Variants in ZFP92 observed in about 807,000 individuals in gnomAD.
The protein encoded by ZFP92 is zinc finger protein 92 homolog.
A neutral mutation model predicts 7.6 loss-of-function variants in ZFP92; 2 were observed. The ratio of observed to expected loss-of-function variants is 0.26; its 90% CI spans 0.11 to 0.83. The LOEUF is 0.83. Ranked by LOEUF, ZFP92 falls within the 40% of genes least tolerant of loss-of-function variation. ZFP92 has a pLI of 0.65. For synonymous variants in ZFP92, 226 were observed against 183.6 expected (o/e 1.23, Z -1.87); for missense variants, 324 against 408.3 (o/e 0.79, Z 1.78).
At chrX:153,416,270 C>G (rs781987842) in intron 2 of ZFP92, among the ~76,000 whole-genome samples, 1 of 111,742 alleles carries the variant, frequency 8.9e-6, no homozygotes, top group African/African-American at 3.3e-5. Flanking sequence ...CACCCTATGT[C>G]CCACTGCTAG....
Position 153,415,029 on chromosome X carries a change from C to T in ZFP92, c.-19+3016C>T, listed in dbSNP as rs782028012. On this transcript the variant is annotated intron_variant, in intron 2 of 5. Transcript: ENST00000338647. Reference sequence around the variant, plus strand: ...TGGGGCCGGAAGGGGCCAGCAGAGGCGGGTGGCTAGGTTTCTCCAGCTTCC... The same window carrying T: ...TGGGGCCGGAAGGGGCCAGCAGAGGTGGGTGGCTAGGTTTCTCCAGCTTCC... 4.1e-4 allele frequency among the ~76,000 whole-genome samples: 46 copies of T among 113,272 alleles called. 1 individual carries two copies. The highest frequency in any genetic ancestry group is 2.1e-3 in the Admixed American group (23 of 10,847).
At position 153,411,997 on chromosome X, in the gene ZFP92, T is replaced by C. The variant is rs2088912243; in HGVS notation, c.-35T>C. On this transcript the variant is annotated 5_prime_UTR_variant, in exon 2 of 6. Coordinates refer to ENST00000338647, the MANE Select transcript of ZFP92 (RefSeq NM_001136273.2). Reference sequence around the variant, plus strand: ...TCCCGAGGCTGGCTAAAGAGCATCCTGTCGCTGATCTGCCTGGTGAGTTTG... The same window carrying C: ...TCCCGAGGCTGGCTAAAGAGCATCCCGTCGCTGATCTGCCTGGTGAGTTTG... Among the ~76,000 whole-genome samples, 1 of 112,968 alleles carries C rather than the reference T, an allele frequency of 8.9e-6. No homozygotes were observed. Among genetic ancestry groups the C allele is most frequent in the Non-Finnish European group, 1.9e-5 (1 of 53,312 alleles).
Position 153,425,614 on chromosome X carries a change from C to T in ZFP92, c.*3986C>T, listed in dbSNP as rs887436366. On this transcript the variant is annotated 3_prime_UTR_variant, in exon 6 of 6. Transcript: ENST00000338647. ...ACAAATTTTATAACTGTAGTCGTCT[C>T]GATGGTTGTGATGCCCATGAGGTGT... is the stretch of plus-strand genomic sequence containing the variant. 9.0e-6 allele frequency: 1 copy of T among 111,639 alleles called. No homozygotes were observed. The highest frequency in any genetic ancestry group is 1.9e-5 in the Non-Finnish European group (1 of 53,037). The allele number at this position is 111,639 out of a possible 1,213,427, so 9.2% of individuals were successfully genotyped here.
chrX:153,418,936 C>T, intron 4 of ZFP92, 137 bp downstream of exon 4: 2 of 912,674 alleles, frequency 2.2e-6, no homozygotes, highest in Non-Finnish European at 2.9e-6. Context: ...ACCAGTAATG[C>T]CAGTAATCCA....
chrX:153,415,696 C>A (rs1556973627), intron 2 of ZFP92, among the ~76,000 whole-genome samples: 1 of 110,982 alleles, frequency 9.0e-6, no homozygotes, highest in African/African-American at 3.3e-5. Context: ...GTTTTTTTTT[C>A]TTTTTAATCA....
At chrX:153,413,962 C>T (rs2088930183) in intron 2 of ZFP92, among the ~76,000 whole-genome samples, 2 of 112,355 alleles carry the variant, frequency 1.8e-5, no homozygotes, top group Non-Finnish European at 3.8e-5. Flanking sequence ...GGCCTCCCGC[C>T]GATGGGGTGT....
In ZFP92 at chrX:153,419,799, G is replaced by A. The variant is rs2088983295; in HGVS notation, c.161-429G>A. The stretch of plus-strand genomic sequence containing the variant: ...CTCACCAGGCAGACCTGGGGTTCCA[G>A]GGAGGGGTCTGGGATCCTCAGTGGA... On this transcript the variant is annotated intron_variant, in intron 4 of 5. Transcript: ENST00000338647. Among the ~76,000 whole-genome samples, 3 of 112,587 alleles carry A rather than the reference G, an allele frequency of 2.7e-5. No individual in the cohort carries two copies. In the South Asian group the frequency reaches 1.1e-3, roughly 41 times the overall value.
rs782229436 is a variant in ZFP92 at position 153,421,466 on chromosome X, A to T, written c.1089A>T (p.Leu363=). The change falls in exon 6 of 6, where the codon CTA becomes CTT. Residue 363 remains leucine, a synonymous_variant. Coordinates refer to ENST00000338647, the MANE Select transcript of ZFP92 (RefSeq NM_001136273.2). ...CGKAFGRRAN[L]FKHQAVHGAR... ...AGGCCTTCGGCCGGCGCGCCAACCT[A>T]TTCAAGCACCAGGCAGTGCACGGCG... 2.7e-4 allele frequency: 312 copies of T among 1,148,974 alleles called. No individual in the cohort carries two copies. The highest frequency in any genetic ancestry group is 3.4e-4 in the Non-Finnish European group (293 of 869,320). The allele number at this position is 1,148,974 out of a possible 1,213,427, so 94.7% of individuals were successfully genotyped here.
At position 153,423,569 on chromosome X, in the gene ZFP92, T is replaced by C. The variant is rs4898435; in HGVS notation, c.*1941T>C. ...AGCTGGTCTCATAAGCCCACAAGTG[T>C]GTGTCATGCCTGTCCCCATGTCCTT... On this transcript the variant is annotated 3_prime_UTR_variant, in exon 6 of 6. Coordinates refer to ENST00000338647, the MANE Select transcript of ZFP92 (RefSeq NM_001136273.2). The C allele has an allele frequency of 0.42, 46,939 of 111,362 alleles. 8,204 individuals carry two copies. Among genetic ancestry groups the C allele is most frequent in the East Asian group, 0.88 (3,092 of 3,522 alleles). The allele number at this position is 111,362 out of a possible 1,213,427, so 9.2% of individuals were successfully genotyped here. A position where few individuals can be genotyped will look rare whatever the true frequency, so the allele number is the denominator to read the frequency against.
Position 153,422,495 on chromosome X carries a change from C to T in ZFP92, c.*867C>T, listed in dbSNP as rs782690667. The T allele has an allele frequency of 2.7e-3, 296 of 111,125 alleles. 2 individuals are homozygous for T. The highest frequency in any genetic ancestry group is 4.9e-3 in the Non-Finnish European group (261 of 52,938). The allele number at this position is 111,125 out of a possible 1,213,427, so 9.2% of individuals were successfully genotyped here. On this transcript the variant is annotated 3_prime_UTR_variant, in exon 6 of 6. Coordinates refer to ENST00000338647, the MANE Select transcript of ZFP92 (RefSeq NM_001136273.2). ...TCCAGGCTTTGCTTTCCCCCCTGCC[C>T]GCCCACTGCCTTCTGCTCCCCAGAC...
At position 153,421,334 on chromosome X, in the gene ZFP92, C is replaced by G. The variant is rs1556975098; in HGVS notation, c.957C>G (p.Pro319=). 5.1e-6 allele frequency: 6 copies of G among 1,165,788 alleles called. No homozygotes were observed. The highest frequency in any genetic ancestry group is 3.2e-5 in the East Asian group (1 of 31,025). Residue 319 remains proline, a synonymous_variant, in exon 6 of 6, where the codon CCC becomes CCG. Transcript: ENST00000338647. The stretch of plus-strand genomic sequence containing the variant: ...AGCGCAGCCACAGCGGCGAGCGGCC[C>G]TTCGCGTGCCGCGAGTGCGGCAAGG... ...HHQRSHSGER[P]FACRECGKAF... is the part of the protein sequence containing the mutation.
At chrX:153,420,364 C>T (rs782331710) in intron 5 of ZFP92, 32 bp downstream of exon 5, 3 of 1,050,909 alleles carry the variant, frequency 2.9e-6, no homozygotes, top group African/African-American at 3.8e-5. Flanking sequence ...AGCTCCCCAT[C>T]GGGGTAAAAA....
At position 153,426,180 on chromosome X, in the gene ZFP92, T is replaced by C. The variant is rs967310861; in HGVS notation, c.*4552T>C. 1 of 110,041 alleles carries C rather than the reference T, an allele frequency of 9.1e-6. No homozygotes were observed. Among genetic ancestry groups the C allele is most frequent in the African/African-American group, 3.3e-5 (1 of 30,225 alleles). The allele number at this position is 110,041 out of a possible 1,213,427, so 9.1% of individuals were successfully genotyped here. A position where few individuals can be genotyped will look rare whatever the true frequency, so the allele number is the denominator to read the frequency against. ...GCCTCCAGCAACCCCTCTTTCCTGC[T>C]CCTCACTGTCCCCCATCCCCACCGC... On this transcript the variant is annotated 3_prime_UTR_variant, in exon 6 of 6. Transcript: ENST00000338647.
chrX:153,417,169 AG>A (rs1329562192), intron 2 of ZFP92, among the ~76,000 whole-genome samples: 1 of 112,411 alleles, frequency 8.9e-6, no homozygotes, highest in African/African-American at 3.2e-5. Flanking sequence ...CCTGAGGCCG[AG>A]GTGAATTTTG....
chrX:153,413,179 G>A (rs1408272018), intron 2 of ZFP92, among the ~76,000 whole-genome samples: 1 of 110,216 alleles, frequency 9.1e-6, no homozygotes, highest in Non-Finnish European at 1.9e-5. Flanking sequence ...TGCTGTGGAT[G>A]AAAAAGCCCA....
rs1314791458 is a variant in ZFP92 at position 153,424,332 on chromosome X, T to C, written c.*2704T>C. ...CTTAGTCTAATTTAGCTCCCCATAATGACATTCTCACTGCAAGGTGGTCAT... is the reference window on the plus strand; with the variant it reads ...CTTAGTCTAATTTAGCTCCCCATAACGACATTCTCACTGCAAGGTGGTCAT... On this transcript the variant is annotated 3_prime_UTR_variant, in exon 6 of 6. Coordinates refer to ENST00000338647, the MANE Select transcript of ZFP92 (RefSeq NM_001136273.2). 2 of 112,510 alleles carry C rather than the reference T, an allele frequency of 1.8e-5. No homozygotes were observed. The highest frequency in any genetic ancestry group is 6.5e-5 in the African/African-American group (2 of 30,976). The allele number at this position is 112,510 out of a possible 1,213,427, so 9.3% of individuals were successfully genotyped here.
At chrX:153,418,930 G>C (rs191053935) in intron 4 of ZFP92, 131 bp downstream of exon 4, 16 of 925,047 alleles carry the variant, frequency 1.7e-5, no homozygotes, top group Non-Finnish European at 2.3e-5. Flanking sequence ...CATCAGACCA[G>C]TAATGCCAGT....
intron 2 of ZFP92, among the ~76,000 whole-genome samples, chrX:153,417,870 A>G (rs1313990258): frequency 8.9e-6 from 1 of 112,000 alleles, no homozygotes; most frequent in Non-Finnish European, 1.9e-5. Flanking sequence ...GTGGGCCCTA[A>G]TCCAGTGATT....
chrX:153,423,678 C>A lies in ZFP92; in HGVS notation c.*2050C>A, dbSNP rs1333878009. ...AGCACCTCAGACTCAGGCTTGGGAC[C>A]ATTGTCGGCTCCAGCCTTGCCTTGA... On this transcript the variant is annotated 3_prime_UTR_variant, in exon 6 of 6. Transcript: ENST00000338647. The A allele has an allele frequency of 8.8e-6, 1 of 113,527 alleles. No individual in the cohort carries two copies. Among genetic ancestry groups the A allele is most frequent in the Non-Finnish European group, 1.9e-5 (1 of 53,483 alleles). 9.4% of individuals were successfully genotyped at this position (113,527 alleles called of 1,213,427 possible).
Sources: gnomAD v4.1 joint callset for allele counts (sites outside exome capture counted in the v4.1 genomes callset) on GRCh38, gnomAD v4.1.1 for gene constraint, MANE v1.5 for transcripts, NCBI Gene and HGNC (gene_info 2026-07-23, HGNC 2026-07-21) for gene names.